CDH13: variants seen among roughly 807,000 people sequenced by gnomAD.
CDH13 encodes cadherin-13.
In CDH13, 24 loss-of-function variants were observed where a neutral mutation model predicts 63.8. The ratio of observed to expected loss-of-function variants is 0.38; its 90% confidence interval spans 0.27 to 0.53. CDH13 has a LOEUF of 0.53. CDH13 is among the 20% of genes least tolerant of loss of function. CDH13 has a pLI of 0.85. For synonymous variants in CDH13, 503 were observed against 355.3 expected (o/e 1.42, Z -4.67); for missense variants, 1,049 against 903.1 (o/e 1.16, Z -2.07).
chr16:82,936,288 C>G (rs1338199173), intron 2 of CDH13, among the ~76,000 whole-genome samples: 2 of 152,092 alleles, frequency 1.3e-5, no homozygotes, highest in Non-Finnish European at 2.9e-5. Flanking sequence ...AAAGCCTTAC[C>G]AAGGATTCCC....
intron 10 of CDH13, among the ~76,000 whole-genome samples, chr16:83,726,579 T>A (rs1910411171): frequency 6.6e-6 from 1 of 152,162 alleles, no homozygotes; most frequent in African/African-American, 2.4e-5. Context: ...CTCACGCCTG[T>A]AATCCCGGCC....
intron 10 of CDH13, among the ~76,000 whole-genome samples, chr16:83,711,270 A>G (rs1304525679): frequency 6.6e-6 from 1 of 152,242 alleles, no homozygotes; most frequent in Non-Finnish European, 1.5e-5. Flanking sequence ...CTGAAGGAAT[A>G]AAAGCCTCCT....
intron 1 of CDH13, among the ~76,000 whole-genome samples, chr16:82,775,679 G>A (rs1040965347): frequency 3.3e-5 from 5 of 152,144 alleles, no homozygotes; most frequent in Admixed American, 2.6e-4. Flanking sequence ...TGAAACCCAG[G>A]CATTTTGTCT....
At chr16:83,495,681 G>A (rs528751702) in intron 7 of CDH13, among the ~76,000 whole-genome samples, 9 of 152,304 alleles carry the variant, frequency 5.9e-5, no homozygotes, top group African/African-American at 1.7e-4. Flanking sequence ...TCTGTCATGT[G>A]ATGTTATTGC....
chr16:83,344,848 C>G lies in CDH13; in HGVS notation c.637-14C>G. Reference sequence around the variant, plus strand: ...TAATATCTTCTTTCTCCCCCAATCTCTTTGCTCAAATAGCTATTTGTGGAG... The same window carrying G: ...TAATATCTTCTTTCTCCCCCAATCTGTTTGCTCAAATAGCTATTTGTGGAG... On this transcript the variant is annotated splice_polypyrimidine_tract_variant and intron_variant, in intron 5 of 13. Transcript: ENST00000567109. 1 of 1,613,404 alleles carries G rather than the reference C, an allele frequency of 6.2e-7. No homozygotes were observed. Among genetic ancestry groups the G allele is most frequent in the Non-Finnish European group, 8.5e-7 (1 of 1,179,430 alleles).
intron 1 of CDH13, among the ~76,000 whole-genome samples, chr16:82,782,330 G>A (rs1273294445): frequency 6.6e-5 from 10 of 152,184 alleles, no homozygotes; most frequent in African/African-American, 2.4e-4. Flanking sequence ...GGGAGGCTGA[G>A]GTGGGTGGAT....
At chr16:83,132,548 A>G (rs926037170) in intron 4 of CDH13, among the ~76,000 whole-genome samples, 1 of 147,996 alleles carries the variant, frequency 6.8e-6, no homozygotes. Context: ...CCCAGCTTCA[A>G]GCAATTCTCC....
At position 83,375,322 on chromosome 16, in the gene CDH13, G is replaced by C. The variant is rs117519435; in HGVS notation, c.781+30316G>C. On this transcript the variant is annotated intron_variant, in intron 6 of 13. Transcript: ENST00000567109. ...CCCCCTTGGGCCACAGCAGATAAGGGACTGAGCTCATGGTTTGTGGTTGTC... is the reference window on the plus strand; with the variant it reads ...CCCCCTTGGGCCACAGCAGATAAGGCACTGAGCTCATGGTTTGTGGTTGTC... 7.8e-3 allele frequency among the ~76,000 whole-genome samples: 1,194 copies of C among 152,312 alleles called. 9 individuals are homozygous for C. Among genetic ancestry groups the C allele is most frequent in the Non-Finnish European group, 0.012 (797 of 68,026 alleles).
At chr16:83,046,818 C>G (rs1239986209) in intron 3 of CDH13, among the ~76,000 whole-genome samples, 1 of 152,166 alleles carries the variant, frequency 6.6e-6, no homozygotes, top group Non-Finnish European at 1.5e-5. Context: ...TCCTCTCCAA[C>G]CTTGTTACAA....
intron 4 of CDH13, among the ~76,000 whole-genome samples, chr16:83,146,104 G>GTAACAGGAAGGTTTT: frequency 6.7e-6 from 1 of 149,870 alleles, no homozygotes; most frequent in East Asian, 2.0e-4. Context: ...TGGGGCAGGA[G>GTAACAGGAAGGTTTT]AATCGCTTGA....
intron 5 of CDH13, among the ~76,000 whole-genome samples, chr16:83,227,799 C>T (rs1164798810): frequency 6.6e-6 from 1 of 152,150 alleles, no homozygotes; most frequent in South Asian, 2.1e-4. Context: ...GCAGCTCCAT[C>T]AGAAAGGGAT....
intron 1 of CDH13, among the ~76,000 whole-genome samples, chr16:82,790,861 A>G (rs777444154): frequency 7.2e-5 from 11 of 152,208 alleles, no homozygotes; most frequent in African/African-American, 1.9e-4. Context: ...CCATGATTCA[A>G]TTAACTCCAC....
intron 10 of CDH13, among the ~76,000 whole-genome samples, chr16:83,731,125 A>G (rs1910998607): frequency 1.3e-5 from 2 of 152,226 alleles, no homozygotes; most frequent in Non-Finnish European, 2.9e-5. Context: ...TGATAAACAT[A>G]CAAGTGCATG....
At position 83,798,580 on chromosome 16, in the gene CDH13, C is replaced by A. The variant is rs1052594710; in HGVS notation, c.*3550C>A. Reference sequence around the variant, plus strand: ...TGGCTTGCCCAAGGTAAGTGGCCTCCAGAACCAAACCTCAGGCTATCTGGC... The same window carrying A: ...TGGCTTGCCCAAGGTAAGTGGCCTCAAGAACCAAACCTCAGGCTATCTGGC... On this transcript the variant is annotated 3_prime_UTR_variant, in exon 14 of 14. Coordinates refer to ENST00000567109, the MANE Select transcript of CDH13 (RefSeq NM_001257.5). 4 of 152,136 alleles carry A rather than the reference C, an allele frequency of 2.6e-5. No homozygotes were observed. The highest frequency in any genetic ancestry group is 5.9e-5 in the Non-Finnish European group (4 of 68,018). 9.4% of individuals were successfully genotyped at this position (152,136 alleles called of 1,614,324 possible).
chr16:83,718,034 G>T (rs767081615), intron 10 of CDH13: 1 of 152,256 alleles, frequency 6.6e-6, no homozygotes, highest in Non-Finnish European at 1.5e-5. Context: ...GACTGTGACT[G>T]TCTTACTTTG....
chr16:83,429,730 T>C (rs1192584828), intron 6 of CDH13, among the ~76,000 whole-genome samples: 1 of 152,230 alleles, frequency 6.6e-6, no homozygotes, highest in Non-Finnish European at 1.5e-5. Flanking sequence ...AAAATACCTT[T>C]ATAATATTCC....
At chr16:83,650,445 C>G (rs1011979257) in intron 8 of CDH13, among the ~76,000 whole-genome samples, 7 of 152,198 alleles carry the variant, frequency 4.6e-5, no homozygotes, top group Non-Finnish European at 8.8e-5. Context: ...AGTGATAACT[C>G]TTGTCCTAGG....
At chr16:82,641,073 A>T (rs1285870501) in intron 1 of CDH13, among the ~76,000 whole-genome samples, 1 of 152,196 alleles carries the variant, frequency 6.6e-6, no homozygotes, top group African/African-American at 2.4e-5. Flanking sequence ...TGAATGTGTC[A>T]TTGAGGTGGT....
chr16:83,008,788 T>C (rs999740362), intron 2 of CDH13, among the ~76,000 whole-genome samples: 3 of 152,200 alleles, frequency 2.0e-5, no homozygotes, highest in Non-Finnish European at 2.9e-5. Context: ...TATTCTATAT[T>C]AGTCCATTCT....
Sources: gnomAD v4.1 joint callset for allele counts (sites outside exome capture counted in the v4.1 genomes callset) on GRCh38, gnomAD v4.1.1 for gene constraint, MANE v1.5 for transcripts, NCBI Gene and HGNC (gene_info 2026-07-23, HGNC 2026-07-21) for gene names.